Variants in SLC2A9 observed in about 807,000 individuals in gnomAD.
SLC2A9 encodes the protein solute carrier family 2 member 9, also known as solute carrier family 2, facilitated glucose transporter member 9.
Under a neutral mutation model 50.6 loss-of-function variants are expected in SLC2A9, and 39 were observed. The ratio of observed to expected loss-of-function variants is 0.77; its 90% confidence interval spans 0.60 to 1.01. The LOEUF is 1.01. Ranked by LOEUF, SLC2A9 falls within the 50% of genes least tolerant of loss-of-function variation. SLC2A9 has a pLI of 0.00. For missense variants in SLC2A9, 686 were observed against 677.6 expected (o/e 1.01, Z -0.14); for synonymous variants, 324 against 276.9 (o/e 1.17, Z -1.69).
At chr4:9,814,194 A>T (rs116160275) in intron 3 of SLC2A9, among the ~76,000 whole-genome samples, 2,463 of 152,248 alleles carry the variant, frequency 0.016, 75 homozygotes, top group African/African-American at 0.056. Context: ...GGAGAAGGAC[A>T]TTCTACACAG....
At chr4:9,960,657 A>T (rs895842028) in intron 5 of SLC2A9, among the ~76,000 whole-genome samples, 1 of 152,218 alleles carries the variant, frequency 6.6e-6, no homozygotes, top group Non-Finnish European at 1.5e-5. Context: ...CCATTTTCAG[A>T]AGGGCTGTGA....
chr4:9,898,514 G>A (rs1577769098), intron 8 of SLC2A9, among the ~76,000 whole-genome samples: 1 of 151,936 alleles, frequency 6.6e-6, no homozygotes, highest in African/African-American at 2.4e-5. Flanking sequence ...AACTGCATGC[G>A]GTACTCCGTG....
intron 5 of SLC2A9, among the ~76,000 whole-genome samples, chr4:9,946,623 T>C (rs774015764): frequency 3.9e-5 from 6 of 152,192 alleles, no homozygotes; most frequent in Non-Finnish European, 7.3e-5. Flanking sequence ...ATGCTCTTCT[T>C]TATATTTCTT....
chr4:9,775,444 G>A (rs1203123508), downstream of SLC2A9, among the ~76,000 whole-genome samples: 4 of 152,140 alleles, frequency 2.6e-5, no homozygotes, highest in African/African-American at 9.7e-5. Context: ...TTCCAGGGAA[G>A]GCCCTCTGAT....
At position 9,925,928 on chromosome 4, in the gene SLC2A9, C is replaced by T. The variant is rs1411490783; in HGVS notation, c.815-5356G>A. On this transcript the variant is annotated intron_variant, in intron 6 of 11. Coordinates refer to ENST00000264784, the MANE Select transcript of SLC2A9 (RefSeq NM_020041.3). The stretch of plus-strand genomic sequence containing the variant: ...TGTGATTTTCCAATGGCAGGCTCCC[C>T]ATGGTCCTCAGACACCTTCAGAGCA... 5.9e-5 allele frequency among the ~76,000 whole-genome samples: 9 copies of T among 152,290 alleles called. No individual in the cohort carries two copies. The South Asian group carries it at 1.9e-3, about 32-fold the overall frequency.
In SLC2A9 at chr4:9,908,503, CCCTTTCTT is replaced by C. The variant is rs72147541; in HGVS notation, c.1003-166_1003-159del. On this transcript the variant is annotated intron_variant, in intron 7 of 11. Transcript: ENST00000264784. The stretch of plus-strand genomic sequence containing the variant: ...ATTTTTCATTTTCATCCCACCTTCT[CCCTTTCTT>C]CATTACTTTTTTTCCTTATTTTATT... Among the ~76,000 whole-genome samples the C allele has an allele frequency of 0.25, 38,479 of 151,378 alleles. 5,049 individuals carry two copies. Among genetic ancestry groups the C allele is most frequent in the Non-Finnish European group, 0.28 (19,108 of 67,778 alleles).
At chr4:9,855,673 G>C (rs899148326) in intron 10 of SLC2A9, among the ~76,000 whole-genome samples, 10 of 151,992 alleles carry the variant, frequency 6.6e-5, no homozygotes, top group African/African-American at 2.4e-4. Flanking sequence ...TAAGCAAAAA[G>C]AACAAAGCAG....
intron 6 of SLC2A9, among the ~76,000 whole-genome samples, chr4:9,925,774 T>C (rs146122029): frequency 8.5e-5 from 13 of 152,232 alleles, no homozygotes; most frequent in African/African-American, 2.9e-4. Flanking sequence ...AAGGAGCATG[T>C]TATAAACACA....
intron 4 of SLC2A9, among the ~76,000 whole-genome samples, chr4:9,982,060 T>C (rs941825963): frequency 6.6e-6 from 1 of 152,168 alleles, no homozygotes; most frequent in Non-Finnish European, 1.5e-5. Context: ...TTTTGTATTT[T>C]TAGTAGAGAC....
At chr4:9,851,120 C>T (rs1729830798) in intron 10 of SLC2A9, among the ~76,000 whole-genome samples, 1 of 152,220 alleles carries the variant, frequency 6.6e-6, no homozygotes, top group Non-Finnish European at 1.5e-5. Context: ...TGCTGGCACA[C>T]TTGAGCGAGC....
intron 10 of SLC2A9, among the ~76,000 whole-genome samples, chr4:9,869,310 C>G: frequency 6.6e-6 from 1 of 152,204 alleles, no homozygotes; most frequent in East Asian, 1.9e-4. Flanking sequence ...TCCATGCCTC[C>G]TGCTTAAAAC....
intron 5 of SLC2A9, among the ~76,000 whole-genome samples, chr4:9,953,825 T>C (rs1405138923): frequency 6.6e-6 from 1 of 152,034 alleles, no homozygotes; most frequent in Non-Finnish European, 1.5e-5. Context: ...GCTTGTTTGT[T>C]TGAGATGGAG....
intron 10 of SLC2A9, among the ~76,000 whole-genome samples, chr4:9,884,161 T>A (rs749723699): frequency 1.3e-5 from 2 of 152,238 alleles, no homozygotes; most frequent in Non-Finnish European, 2.9e-5. Context: ...GACATATTTG[T>A]TAGGCAGCTA....
intron 3 of SLC2A9, among the ~76,000 whole-genome samples, chr4:9,989,907 C>G (rs989918162): frequency 8.6e-5 from 13 of 151,946 alleles, no homozygotes; most frequent in African/African-American, 3.1e-4. Flanking sequence ...CAGGGATGAG[C>G]GTGCTCACTC....
intron 9 of SLC2A9, 127 bp downstream of exon 9, chr4:9,890,483 G>A (rs778852670): frequency 4.8e-5 from 43 of 898,890 alleles, no homozygotes; most frequent in Middle Eastern, 2.2e-4. Context: ...AGATGTCCCC[G>A]GGGAGAGCTT....
At chr4:9,967,272 G>A (rs1753191410) in intron 5 of SLC2A9, among the ~76,000 whole-genome samples, 1 of 152,078 alleles carries the variant, frequency 6.6e-6, no homozygotes, top group East Asian at 1.9e-4. Context: ...AATACAAAAA[G>A]TTATAAATGG....
Position 9,817,592 on chromosome 4 carries a change from G to A in SLC2A9, n.420+8828C>T, listed in dbSNP as rs189550123. On this transcript the variant is annotated intron_variant and non_coding_transcript_variant, in intron 3 of 3. Transcript: ENST00000503280. ...TAGTCACATTTGTATGAGTGTCCTC[G>A]TTACTGCAAATGTTTAAAACGTGTT... Among the ~76,000 whole-genome samples, 35 of 152,288 alleles carry A rather than the reference G, an allele frequency of 2.3e-4. 1 individual carries two copies. The highest frequency in any genetic ancestry group is 1.5e-3 in the East Asian group (8 of 5,182).
At chr4:9,924,022 TCC>T (rs2110108653) in intron 6 of SLC2A9, 1 of 152,280 alleles carries the variant, frequency 6.6e-6, no homozygotes, top group South Asian at 2.1e-4. Flanking sequence ...GAGATGAAGT[TCC>T]TGCCCACAGG....
At chr4:9,927,868 T>A (rs1309733666) in intron 6 of SLC2A9, among the ~76,000 whole-genome samples, 4 of 152,334 alleles carry the variant, frequency 2.6e-5, no homozygotes, top group Non-Finnish European at 4.4e-5. Context: ...GTCTTTTGAA[T>A]GACATATTGC....
Sources: gnomAD v4.1 joint callset for allele counts (sites outside exome capture counted in the v4.1 genomes callset) on GRCh38, gnomAD v4.1.1 for gene constraint, MANE v1.5 for transcripts, NCBI Gene and HGNC (gene_info 2026-07-23, HGNC 2026-07-21) for gene names.